Variants in MYH4 observed in about 807,000 individuals in gnomAD.
MYH4 encodes myosin-4.
Under a neutral mutation model 229.9 loss-of-function variants are expected in MYH4, and 200 were observed. The ratio of observed to expected loss-of-function variants is 0.87; its 90% CI spans 0.78 to 0.98. The LOEUF (loss-of-function observed/expected upper bound fraction) is 0.98. MYH4 is among the 50% of genes least tolerant of loss of function. MYH4 has a pLI of 0.00. For missense variants in MYH4, 2,148 were observed against 2,332.6 expected (o/e 0.92, Z 1.63); for synonymous variants, 761 against 834.6 (o/e 0.91, Z 1.52).
At chr17:10,458,067 T>A (rs558716287) in intron 15 of MYH4, among the ~76,000 whole-genome samples, 1 of 152,348 alleles carries the variant, frequency 6.6e-6, no homozygotes, top group African/African-American at 2.4e-5. Context: ...TAACTTCCTT[T>A]ACCTCGAATC....
chr17:10,452,945 T>C lies in MYH4; in HGVS notation c.3112-13A>G, dbSNP rs892347851. On this transcript the variant is annotated splice_polypyrimidine_tract_variant and intron_variant, in intron 24 of 39. Transcript: ENST00000255381. The stretch of plus-strand genomic sequence containing the variant: ...GAGATCCTTCAAGCTAAATTTATGA[T>C]GCATTTTATTTATTTCAGCTCTTAA... 4 of 1,600,826 alleles carry C rather than the reference T, an allele frequency of 2.5e-6. No individual in the cohort carries two copies. Among genetic ancestry groups the C allele is most frequent in the Middle Eastern group, 1.7e-4 (1 of 6,028 alleles).
intron 35 of MYH4, among the ~76,000 whole-genome samples, chr17:10,446,027 C>CAAAAAA (rs35896304): frequency 1.0e-4 from 7 of 68,566 alleles, no homozygotes; most frequent in East Asian, 5.1e-4. Context: ...GACCCCTTCT[C>CAAAAAA]AAAAAAAAAA....
intron 30 of MYH4, 137 bp from the exon 31 acceptor site, chr17:10,449,184 T>C: frequency 1.4e-6 from 1 of 722,742 alleles, no homozygotes; most frequent in South Asian, 1.9e-5. Flanking sequence ...ACATTTTCAC[T>C]CTCTTAGAAT....
intron 27 of MYH4, 40 bp from the exon 28 acceptor site, chr17:10,451,492 T>A (rs746371137): frequency 6.3e-7 from 1 of 1,595,434 alleles, no homozygotes; most frequent in South Asian, 1.1e-5. Flanking sequence ...ACAATACATT[T>A]TTATTCTAGA....
At chr17:10,451,482 A>C in intron 27 of MYH4, 30 bp from the exon 28 acceptor site, 1 of 1,603,530 alleles carries the variant, frequency 6.2e-7, no homozygotes, top group Non-Finnish European at 8.5e-7. Context: ...ACAGGAAGAG[A>C]CAATACATTT....
At chr17:10,466,206 T>G in intron 4 of MYH4, 67 bp downstream of exon 4, 1 of 1,565,498 alleles carries the variant, frequency 6.4e-7, no homozygotes, top group Non-Finnish European at 8.7e-7. Flanking sequence ...TGAAACCCCT[T>G]AATTTATTTT....
chr17:10,464,588 T>C lies in MYH4; in HGVS notation c.534-2A>G. The C allele has an allele frequency of 6.2e-7, 1 of 1,614,028 alleles. No homozygotes were observed. Among genetic ancestry groups the C allele is most frequent in the Non-Finnish European group, 8.5e-7 (1 of 1,179,982 alleles). On this transcript the variant is annotated splice_acceptor_variant, in intron 6 of 39. Coordinates refer to ENST00000255381, the MANE Select transcript of MYH4 (RefSeq NM_017533.2). LOFTEE classifies it high-confidence loss of function. ...GTCTTCCCTGCACCAGATTCTCCAC[T>C]ATCAAGTTCAAACAGAAGAAAAGGT...
chr17:10,450,765 G>A lies in MYH4; in HGVS notation c.3984+12C>T, dbSNP rs768896740. 1 of 1,611,358 alleles carries A rather than the reference G, an allele frequency of 6.2e-7. No individual in the cohort carries two copies. The highest frequency in any genetic ancestry group is 1.1e-5 in the South Asian group (1 of 90,976). On this transcript the variant is annotated intron_variant, in intron 29 of 39. Transcript: ENST00000255381. ...TTCAAGTGATTGAAAGTATCAGCTGGAGAATTCTCACCTTAGTCTCCTCTT... is the reference window on the plus strand; with the variant it reads ...TTCAAGTGATTGAAAGTATCAGCTGAAGAATTCTCACCTTAGTCTCCTCTT...
intron 15 of MYH4, 52 bp from the exon 16 acceptor site, chr17:10,457,781 C>T (rs2072658819): frequency 6.5e-7 from 1 of 1,549,508 alleles, no homozygotes; most frequent in Non-Finnish European, 8.7e-7. Flanking sequence ...GAAAGTTATG[C>T]TCCATGTAAT....
chr17:10,447,227 A>G lies in MYH4; in HGVS notation c.4966-11T>C, dbSNP rs1292555638. 2.5e-6 allele frequency: 4 copies of G among 1,612,952 alleles called. No homozygotes were observed. The highest frequency in any genetic ancestry group is 3.4e-6 in the Non-Finnish European group (4 of 1,179,362). ...ATGTAGCTGAGTGTCCTACACAGAAAGAGAAAAAGCCTCTTACTCATGCTG... is the reference window on the plus strand; with the variant it reads ...ATGTAGCTGAGTGTCCTACACAGAAGGAGAAAAAGCCTCTTACTCATGCTG... On this transcript the variant is annotated splice_polypyrimidine_tract_variant and intron_variant, in intron 34 of 39. Transcript: ENST00000255381.
Position 10,451,354 on chromosome 17 carries a change from G to A in MYH4, c.3837C>T (p.Ala1279=). ...ATTCTGTGTGTAAACGTGCCTTCTG[G>A]GCTGACAACTCATTTATTAAGCGTT... ...EQQRLINELS[A]QKARLHTESG... The change falls in exon 28 of 40, where the codon GCC becomes GCT. Residue 1279 remains alanine (A), a synonymous_variant. Coordinates refer to ENST00000255381, the MANE Select transcript of MYH4 (RefSeq NM_017533.2). The A allele has an allele frequency of 6.2e-7, 1 of 1,613,900 alleles. No homozygotes were observed. The highest frequency in any genetic ancestry group is 8.5e-7 in the Non-Finnish European group (1 of 1,179,956).
intron 14 of MYH4, among the ~76,000 whole-genome samples, 155 bp downstream of exon 14, chr17:10,459,797 C>G (rs1414977819): frequency 1.3e-5 from 2 of 152,002 alleles, no homozygotes; most frequent in Non-Finnish European, 2.9e-5. Context: ...TTCTCTTTTC[C>G]TATTTATACC....
rs2072741327 is a variant in MYH4 at position 10,464,582 on chromosome 17, C to G, written c.538G>C (p.Glu180Gln). 1 of 1,614,044 alleles carries G rather than the reference C, an allele frequency of 6.2e-7. No homozygotes were observed. Among genetic ancestry groups the G allele is most frequent in the Non-Finnish European group, 8.5e-7 (1 of 1,179,988 alleles). Residue 180 changes from glutamate (E) to glutamine (Q), a missense_variant, in exon 7 of 40, where the codon GAA becomes CAA. Transcript: ENST00000255381. ...TTCACAGTCTTCCCTGCACCAGATT[C>G]TCCACTATCAAGTTCAAACAGAAGA... is the stretch of plus-strand genomic sequence containing the variant. ...RENQSILITG[E>Q]SGAGKTVNTK... is the part of the protein sequence containing the mutation.
intron 11 of MYH4, among the ~76,000 whole-genome samples, chr17:10,461,708 G>T (rs1447667189): frequency 6.6e-6 from 1 of 151,992 alleles, no homozygotes; most frequent in Non-Finnish European, 1.5e-5. Context: ...AAGGAATTTT[G>T]CCATTTAGTA....
Position 10,447,857 on chromosome 17 carries a change from C to T in MYH4, c.4926G>A (p.Glu1642=), listed in dbSNP as rs764821917. 31 of 1,613,626 alleles carry T rather than the reference C, an allele frequency of 1.9e-5. No homozygotes were observed. In the African/African-American group the frequency reaches 3.6e-4, roughly 19 times the overall value. The stretch of plus-strand genomic sequence containing the variant: ...GTGTGTTTCTAAGATTCCTTAGTGC[C>T]TCAGCAGCCTGGCGGTTGGCATGGT... The part of the protein sequence containing the change: ...QLNHANRQAA[E]ALRNLRNTQG... Residue 1642 remains glutamate (E), a synonymous_variant, in exon 34 of 40, where the codon GAG becomes GAA. Coordinates refer to ENST00000255381, the MANE Select transcript of MYH4 (RefSeq NM_017533.2).
At chr17:10,449,142 A>G in intron 30 of MYH4, 95 bp from the exon 31 acceptor site, 2 of 1,048,314 alleles carry the variant, frequency 1.9e-6, no homozygotes, top group South Asian at 1.6e-5. Context: ...TATTTCCCCA[A>G]GAGTTGTCTA....
Position 10,466,413 on chromosome 17 carries a change from C to T in MYH4, c.208G>A (p.Val70Ile). 6.2e-7 allele frequency: 1 copy of T among 1,613,906 alleles called. No individual in the cohort carries two copies. The highest frequency in any genetic ancestry group is 2.2e-5 in the East Asian group (1 of 44,876). Reference protein sequence around the residue: ...VTAKTEAGATVTVKEDQVFSM... With the variant: ...VTAKTEAGATITVKEDQVFSM... ...AAGACTTGGTCTTCTTTCACAGTTA[C>T]AGTCTGTTAAGAAAAGAAAAAACAA... is the stretch of plus-strand genomic sequence containing the variant. The change falls in exon 4 of 40, where the codon GTA becomes ATA. Residue 70 changes from valine to isoleucine, a missense_variant. Transcript: ENST00000255381.
intron 15 of MYH4, 109 bp from the exon 16 acceptor site, chr17:10,457,838 ATAAAT>A: frequency 2.2e-6 from 3 of 1,369,938 alleles, no homozygotes; most frequent in East Asian, 2.3e-5. Context: ...ACTTTGAATG[ATAAAT>A]TAAATAGGCA....
Position 10,460,184 on chromosome 17 carries a change from CAATTT to C in MYH4, c.1266+14_1266+18del. On this transcript the variant is annotated intron_variant, in intron 13 of 39. Transcript: ENST00000255381. ...TCACTTGCGGTTCAAATAAATCAGACAATTTAAGTCATGTTTACCTGCTGCACAGT... is the reference window on the plus strand; with the variant it reads ...TCACTTGCGGTTCAAATAAATCAGACAAGTCATGTTTACCTGCTGCACAGT... The C allele has an allele frequency of 1.9e-6, 3 of 1,613,398 alleles. No individual in the cohort carries two copies. Among genetic ancestry groups the C allele is most frequent in the Non-Finnish European group, 2.5e-6 (3 of 1,179,334 alleles).
Sources: allele counts gnomAD v4.1 joint callset (sites outside exome capture counted in the v4.1 genomes callset), GRCh38; gene constraint gnomAD v4.1.1; transcripts MANE v1.5; gene names NCBI Gene and HGNC (gene_info 2026-07-23, HGNC 2026-07-21).